The following PDE4D variants were observed in gnomAD, a reference collection of about 807,000 sequenced individuals.
PDE4D encodes the protein phosphodiesterase 4D, also known as 3',5'-cyclic-AMP phosphodiesterase 4D.
In PDE4D, 24 loss-of-function variants were observed where a neutral mutation model predicts 87.4. That is an observed-to-expected ratio of 0.27 (90% CI 0.20 to 0.39). The LOEUF is 0.39. PDE4D is among the 10% of genes least tolerant of loss of function. The pLI is 1.00. For synonymous variants in PDE4D, 384 were observed against 383.2 expected, an observed-to-expected ratio of 1.00 and a Z score of -0.02; for missense variants, 714 against 1,041.0, an observed-to-expected ratio of 0.69 and a Z score of 4.32.
At chr5:59,232,989 G>A (rs1305681227) in intron 1 of PDE4D, among the ~76,000 whole-genome samples, 2 of 152,042 alleles carry the variant, frequency 1.3e-5, no homozygotes, top group Admixed American at 6.6e-5. Flanking sequence ...GCTAAAAAAA[G>A]TTGATATCAT....
rs1047835108 is a variant in PDE4D at position 60,263,432 on chromosome 5, T to A, written c.-89-77745A>T. ...GACGCCACAAGGAGCAGAGAAGAAA[T>A]CTAGGCAAAGAACAAGTGACAATTA... On this transcript the variant is annotated intron_variant, in intron 1 of 16. Coordinates refer to the PDE4D transcript ENST00000502484. Among the ~76,000 whole-genome samples, 4 of 152,112 alleles carry A rather than the reference T, an allele frequency of 2.6e-5. No homozygotes were observed. The East Asian group carries it at 7.7e-4, about 29-fold the overall frequency.
chr5:59,442,961 G>A (rs1797861875), intron 1 of PDE4D, among the ~76,000 whole-genome samples: 1 of 152,096 alleles, frequency 6.6e-6, no homozygotes, highest in Non-Finnish European at 1.5e-5. Flanking sequence ...ACATTAAAAA[G>A]TCAATCACTT....
intron 1 of PDE4D, among the ~76,000 whole-genome samples, chr5:59,765,545 C>T (rs1255960539): frequency 6.6e-6 from 1 of 152,188 alleles, no homozygotes; most frequent in African/African-American, 2.4e-5. Flanking sequence ...GAACTGAGTT[C>T]CAGCCAGAAG....
chr5:59,202,978 T>C (rs1170621701), intron 2 of PDE4D, among the ~76,000 whole-genome samples: 1 of 152,190 alleles, frequency 6.6e-6, no homozygotes, highest in Non-Finnish European at 1.5e-5. Context: ...ATTTTAAGAA[T>C]TAAGAAACAA....
intron 1 of PDE4D, among the ~76,000 whole-genome samples, chr5:59,586,041 T>A (rs754248827): frequency 3.4e-4 from 51 of 152,162 alleles, no homozygotes; most frequent in East Asian, 1.9e-4. Flanking sequence ...TTTAAAAAAA[T>A]TTATTAAATT....
chr5:60,409,531 T>TATCATC (rs745735926), intron 1 of PDE4D, among the ~76,000 whole-genome samples: 4 of 152,150 alleles, frequency 2.6e-5, no homozygotes, highest in Admixed American at 6.5e-5. Flanking sequence ...ATGGTTACTT[T>TATCATC]ATCATCATCA....
chr5:59,120,966 A>T (rs924869660), intron 5 of PDE4D, among the ~76,000 whole-genome samples: 3 of 152,228 alleles, frequency 2.0e-5, no homozygotes, highest in African/African-American at 7.2e-5. Flanking sequence ...ACATTAGGGA[A>T]AGGAGATCTC....
intron 2 of PDE4D, among the ~76,000 whole-genome samples, chr5:60,022,185 T>A (rs1170442183): frequency 1.3e-5 from 2 of 150,348 alleles, no homozygotes; most frequent in African/African-American, 4.9e-5. Context: ...GGTCATTTTT[T>A]GTAGCTTTAT....
intron 6 of PDE4D, chr5:59,002,063 C>A (rs767697866): frequency 2.5e-5 from 13 of 516,340 alleles, no homozygotes; most frequent in Admixed American, 3.9e-5. Flanking sequence ...TATTCCTTAC[C>A]ATTACCCCTC....
chr5:59,814,462 G>T (rs1768747972), intron 1 of PDE4D, among the ~76,000 whole-genome samples: 1 of 152,186 alleles, frequency 6.6e-6, no homozygotes, highest in African/African-American at 2.4e-5. Context: ...ATAGGGGCCA[G>T]CTTCCTAAGA....
intron 2 of PDE4D, among the ~76,000 whole-genome samples, chr5:60,127,379 G>T (rs185519278): frequency 6.6e-6 from 1 of 152,278 alleles, no homozygotes; most frequent in African/African-American, 2.4e-5. Flanking sequence ...GTTTCAAACA[G>T]GTGACTGACT....
At chr5:60,063,142 G>GAA (rs1771651103) in intron 2 of PDE4D, among the ~76,000 whole-genome samples, 1 of 145,294 alleles carries the variant, frequency 6.9e-6, no homozygotes, top group South Asian at 2.2e-4. Context: ...AAGAAAGAAA[G>GAA]AAAGAAAGAA....
At chr5:59,981,785 A>G (rs1761957279) in intron 3 of PDE4D, among the ~76,000 whole-genome samples, 1 of 152,174 alleles carries the variant, frequency 6.6e-6, no homozygotes, top group South Asian at 2.1e-4. Flanking sequence ...GCCCATTAAT[A>G]CCTTCTTAAG....
At chr5:59,329,017 G>A (rs1776231729) in intron 1 of PDE4D, among the ~76,000 whole-genome samples, 1 of 152,164 alleles carries the variant, frequency 6.6e-6, no homozygotes, top group Non-Finnish European at 1.5e-5. Flanking sequence ...ACAGCTGTTG[G>A]TCAGTATGTG....
At chr5:59,368,708 C>G (rs1472832581) in intron 1 of PDE4D, among the ~76,000 whole-genome samples, 1 of 152,080 alleles carries the variant, frequency 6.6e-6, no homozygotes, top group Non-Finnish European at 1.5e-5. Context: ...TATTCTGACT[C>G]AAAACAGGAG....
chr5:59,410,329 C>A (rs1351136539), intron 1 of PDE4D, among the ~76,000 whole-genome samples: 1 of 152,120 alleles, frequency 6.6e-6, no homozygotes, highest in African/African-American at 2.4e-5. Context: ...TCATCACAAC[C>A]TCTGCCTCCC....
In PDE4D at chr5:60,401,659, C is replaced by T. The variant is rs192769904; in HGVS notation, c.-90+86283G>A. On this transcript the variant is annotated intron_variant, in intron 1 of 16. Coordinates refer to the PDE4D transcript ENST00000502484. ...CTCCAGGCCGCATCTCAGGAGTCTA[C>T]GTGTTAAACGTGAGCACTGGCTAAT... 1.8e-4 allele frequency among the ~76,000 whole-genome samples: 28 copies of T among 152,304 alleles called. No homozygotes were observed. The Middle Eastern group carries it at 0.014, about 74-fold the overall frequency.
At chr5:59,144,292 T>C (rs990395911) in intron 5 of PDE4D, among the ~76,000 whole-genome samples, 1 of 152,186 alleles carries the variant, frequency 6.6e-6, no homozygotes, top group African/African-American at 2.4e-5. Context: ...TGGCTGTCTC[T>C]GGTTTCACTT....
chr5:59,785,352 CT>C (rs1422182895), intron 1 of PDE4D, among the ~76,000 whole-genome samples: 4 of 152,164 alleles, frequency 2.6e-5, no homozygotes, highest in Admixed American at 2.6e-4. Context: ...CATAATATTT[CT>C]AAAAATTAAC....
Sources: gnomAD v4.1 joint callset for allele counts (sites outside exome capture counted in the v4.1 genomes callset) on GRCh38, gnomAD v4.1.1 for gene constraint, MANE v1.5 for transcripts, NCBI Gene and HGNC (gene_info 2026-07-23, HGNC 2026-07-21) for gene names.